MARCHF2: variants seen among roughly 807,000 people sequenced by gnomAD.
The protein encoded by MARCHF2 is E3 ubiquitin-protein ligase MARCHF2.
MARCHF2 carries 22 observed loss-of-function variants against 24.0 expected under a neutral mutation model. That is an observed-to-expected ratio of 0.92 (90% CI 0.66 to 1.31). The LOEUF (loss-of-function observed/expected upper bound fraction) is 1.31. MARCHF2 is among the 50% of genes most tolerant of loss of function. The pLI, the probability that MARCHF2 is intolerant of heterozygous loss-of-function variation, is 0.00. For missense variants in MARCHF2, 301 were observed against 335.3 expected, an observed-to-expected ratio of 0.90 and a Z score of 0.80; for synonymous variants, 154 against 153.0, an observed-to-expected ratio of 1.01 and a Z score of -0.05.
At chr19:8,423,985 CAAAA>C (rs142383974) in intron 2 of MARCHF2, among the ~76,000 whole-genome samples, 1 of 104,926 alleles carries the variant, frequency 9.5e-6, no homozygotes, top group Non-Finnish European at 1.8e-5. Context: ...CTGGGTGACT[CAAAA>C]AAAAAAAAAA....
At chr19:8,428,557 G>A (rs1377571933) in intron 3 of MARCHF2, among the ~76,000 whole-genome samples, 2 of 144,628 alleles carry the variant, frequency 1.4e-5, no homozygotes, top group Non-Finnish European at 3.0e-5. Context: ...GGCTGAGGCA[G>A]GAGAATCACT....
rs59542078 is a variant in MARCHF2 at position 8,428,649 on chromosome 19, C to CAAAAAAAAAAAAAAA, written c.372+1865_372+1879dup. On this transcript the variant is annotated intron_variant, in intron 3 of 4. Transcript: ENST00000215555. ...TGGGCAACAGATTGAGACTCTATCT[C>CAAAAAAAAAAAAAAA]AAAAAAAAAAAAAAAAAAAAAAAAA... Among the ~76,000 whole-genome samples, 5 of 30,644 alleles carry CAAAAAAAAAAAAAAA rather than the reference C, an allele frequency of 1.6e-4. 1 individual carries two copies. The highest frequency in any genetic ancestry group is 6.3e-4 in the Admixed American group (1 of 1,586). The allele number at this position is 30,644 out of a possible 152,430, so 20.1% of individuals were successfully genotyped here.
chr19:8,432,158 TA>T (rs933314624), intron 4 of MARCHF2, among the ~76,000 whole-genome samples: 15 of 151,418 alleles, frequency 9.9e-5, no homozygotes, highest in Non-Finnish European at 2.1e-4. Flanking sequence ...ATTCTGTCTT[TA>T]AAAAAAGAAA....
At chr19:8,429,421 C>T (rs1202026212) in intron 3 of MARCHF2, among the ~76,000 whole-genome samples, 1 of 151,666 alleles carries the variant, frequency 6.6e-6, no homozygotes, top group Non-Finnish European at 1.5e-5. Context: ...AGTTCAAGAC[C>T]AGCCTGGGCA....
Position 8,430,865 on chromosome 19 carries a change from C to T in MARCHF2, c.580C>T (p.Leu194=), listed in dbSNP as rs1201201239. 1 of 1,593,942 alleles carries T rather than the reference C, an allele frequency of 6.3e-7. No individual in the cohort carries two copies. Among genetic ancestry groups the T allele is most frequent in the Non-Finnish European group, 8.5e-7 (1 of 1,171,918 alleles). Residue 194 remains leucine, a splice_region_variant and synonymous_variant, in exon 4 of 5, where the codon CTG becomes TTG. Coordinates refer to ENST00000215555, the MANE Select transcript of MARCHF2 (RefSeq NM_001005415.2). This position sits in a 1 kb window ranked among gnomAD's most constrained non-coding sequence, Gnocchi z 4.4. ...ALFTIYVLWT[L]VSFRYHCQLY... is the part of the protein sequence containing the mutation. ...CTTCACCATCTATGTCCTCTGGACG[C>T]TGGTGAGTGGCTGTGGTTGTGCAGC...
chr19:8,436,490 C>T (rs1413239840), intron 4 of MARCHF2, among the ~76,000 whole-genome samples: 1 of 151,904 alleles, frequency 6.6e-6, no homozygotes, highest in Non-Finnish European at 1.5e-5. Context: ...GTCCTCTGTG[C>T]TCTCTCTATT....
At chr19:8,424,165 G>A (rs565990394) in intron 2 of MARCHF2, among the ~76,000 whole-genome samples, 46 of 152,130 alleles carry the variant, frequency 3.0e-4, no homozygotes, top group Non-Finnish European at 5.0e-4. Context: ...CTCCTGAGCT[G>A]CCCTGGGAAG....
chr19:8,428,077 G>A (rs1218574933), intron 3 of MARCHF2, among the ~76,000 whole-genome samples: 1 of 152,154 alleles, frequency 6.6e-6, no homozygotes, highest in African/African-American at 2.4e-5. Context: ...TGGCTAACAT[G>A]GTGAAACCCC....
intron 2 of MARCHF2, among the ~76,000 whole-genome samples, chr19:8,423,161 G>A (rs185624747): frequency 3.2e-4 from 49 of 150,932 alleles, no homozygotes; most frequent in Middle Eastern, 3.4e-3. Context: ...CTGGGTTCAA[G>A]CGATTCTCCT....
At chr19:8,431,931 C>T (rs991678137) in intron 4 of MARCHF2, among the ~76,000 whole-genome samples, 8 of 147,994 alleles carry the variant, frequency 5.4e-5, no homozygotes, top group Non-Finnish European at 7.5e-5. Flanking sequence ...CTGAGGCAGG[C>T]GGATTCCTTG....
In MARCHF2 at chr19:8,438,692, A is replaced by T; in HGVS notation, c.*146A>T. The T allele has an allele frequency of 1.5e-6, 1 of 684,368 alleles. No individual in the cohort carries two copies. The highest frequency in any genetic ancestry group is 2.4e-6 in the Non-Finnish European group (1 of 421,274). The allele number at this position is 684,368 out of a possible 1,614,324, so 42.4% of individuals were successfully genotyped here. On this transcript the variant is annotated 3_prime_UTR_variant, in exon 5 of 5. Coordinates refer to ENST00000215555, the MANE Select transcript of MARCHF2 (RefSeq NM_001005415.2). ...TCTTAGGCCAAGAGACACCATGCAG[A>T]GCCTAGTCTGTGATCCTGTGTGAAG...
rs538050982 is a variant in MARCHF2 at position 8,433,845 on chromosome 19, C to T, written c.582+2978C>T. The stretch of plus-strand genomic sequence containing the variant: ...TGCCACTGCACTCCAGCCTGGGTGC[C>T]TGAGTGACAGAATAAGACTCTGTCT... On this transcript the variant is annotated intron_variant, in intron 4 of 4. Coordinates refer to ENST00000215555, the MANE Select transcript of MARCHF2 (RefSeq NM_001005415.2). Among the ~76,000 whole-genome samples, 3 of 149,836 alleles carry T rather than the reference C, an allele frequency of 2.0e-5. No homozygotes were observed. The South Asian group carries it at 6.3e-4, about 32-fold the overall frequency.
rs1568243586 is a variant in MARCHF2, at chr19:8,438,545, G to A, written c.740G>A (p.Ter247=). 2 of 1,613,964 alleles carry A rather than the reference G, an allele frequency of 1.2e-6. No homozygotes were observed. Among genetic ancestry groups the A allele is most frequent in the Non-Finnish European group, 1.7e-6 (2 of 1,179,988 alleles). The change falls in exon 5 of 5, where the codon TGA becomes TAA. Residue 247 remains the stop codon, a stop_retained_variant. Transcript: ENST00000215555. ...LKKVAEETPV[*] ...AAGGTGGCAGAGGAGACACCAGTAT[G>A]AATGCTGGGCTCTCCGGACCCTGCA...
At chr19:8,414,547 G>C (rs2145526243) in intron 1 of MARCHF2, among the ~76,000 whole-genome samples, 1 of 152,252 alleles carries the variant, frequency 6.6e-6, no homozygotes, top group South Asian at 2.1e-4. Flanking sequence ...CAAAGTGCTG[G>C]GATTACAGGC....
Position 8,426,805 on chromosome 19 carries a change from G to A in MARCHF2, c.372+1G>A. 1 of 1,611,886 alleles carries A rather than the reference G, an allele frequency of 6.2e-7. No homozygotes were observed. Among genetic ancestry groups the A allele is most frequent in the Non-Finnish European group, 8.5e-7 (1 of 1,179,858 alleles). ...GAAACGGCCTCGACCCCTCACAGAGGTACCCTTAAGAGTCTGAGACTGCGG... is the reference window on the plus strand; with the variant it reads ...GAAACGGCCTCGACCCCTCACAGAGATACCCTTAAGAGTCTGAGACTGCGG... On this transcript the variant is annotated splice_donor_variant, in intron 3 of 4. Transcript: ENST00000215555. LOFTEE classifies it high-confidence loss of function.
intron 2 of MARCHF2, among the ~76,000 whole-genome samples, chr19:8,424,181 G>A (rs757737570): frequency 4.6e-5 from 7 of 152,088 alleles, no homozygotes; most frequent in Admixed American, 1.3e-4. Flanking sequence ...GGAAGGACCC[G>A]GCATCCCCAG....
chr19:8,431,858 A>G (rs57175554), intron 4 of MARCHF2, among the ~76,000 whole-genome samples: 44,654 of 151,434 alleles, frequency 0.29, 6,718 homozygotes, highest in Admixed American at 0.38. Context: ...AAAAACAAAA[A>G]TAAATTGAAA....
chr19:8,435,264 C>T (rs1284937157), intron 4 of MARCHF2, among the ~76,000 whole-genome samples: 3 of 151,972 alleles, frequency 2.0e-5, no homozygotes, highest in Admixed American at 6.6e-5. Flanking sequence ...GTGATCCGCC[C>T]GTGTCTGCCT....
chr19:8,426,001 G>A (rs1164498386), intron 2 of MARCHF2, among the ~76,000 whole-genome samples: 1 of 151,488 alleles, frequency 6.6e-6, no homozygotes, highest in East Asian at 2.0e-4. Flanking sequence ...CCTGAGGCAG[G>A]CGGATCACAA....
Sources: gnomAD v4.1 joint callset for allele counts (sites outside exome capture counted in the v4.1 genomes callset) on GRCh38, gnomAD v4.1.1 for gene constraint, Gnocchi (gnomAD v3.1) non-coding constraint, MANE v1.5 for transcripts, NCBI Gene and HGNC (gene_info 2026-07-23, HGNC 2026-07-21) for gene names.